ULK1: variants seen among roughly 807,000 people sequenced by gnomAD.
ULK1 encodes serine/threonine-protein kinase ULK1.
ULK1 carries 48 observed loss-of-function variants against 117.5 expected under a neutral mutation model. The ratio of observed to expected loss-of-function variants is 0.41; its 90% confidence interval spans 0.32 to 0.52. The LOEUF (loss-of-function observed/expected upper bound fraction) is 0.52, where lower values mean the gene tolerates loss of function less well. ULK1 is among the 20% of genes least tolerant of loss of function. The pLI, the probability that ULK1 is intolerant of heterozygous loss-of-function variation, is 0.29. For synonymous variants in ULK1, 790 were observed against 637.8 expected, an observed-to-expected ratio of 1.24 and a Z score of -3.60; for missense variants, 1,387 against 1,473.4, an observed-to-expected ratio of 0.94 and a Z score of 0.96.
chr12:131,915,057 C>T (rs898095978), intron 16 of ULK1, 26 bp from the exon 17 acceptor site: 2 of 1,522,100 alleles, frequency 1.3e-6, no homozygotes, highest in East Asian at 2.3e-5. Flanking sequence ...TGAGGCCTCC[C>T]CTCCTAATAT....
At chr12:131,898,541 G>A (rs563890814) in intron 3 of ULK1, among the ~76,000 whole-genome samples, 11 of 151,678 alleles carry the variant, frequency 7.3e-5, no homozygotes, top group East Asian at 5.8e-4. Context: ...TGCTCTTGTC[G>A]CCCAGGCTGG....
intron 13 of ULK1, among the ~76,000 whole-genome samples, chr12:131,912,436 C>T (rs1012198821): frequency 2.6e-5 from 4 of 152,318 alleles, no homozygotes; most frequent in East Asian, 1.9e-4. Context: ...GCCTCTACAC[C>T]CTGCAGGTGG....
chr12:131,910,332 G>T (rs569573631), intron 11 of ULK1, 28 bp downstream of exon 11: 17 of 1,613,076 alleles, frequency 1.1e-5, no homozygotes, highest in Non-Finnish European at 1.4e-5. Context: ...CTGGGGCTCC[G>T]CATGGGCCCT....
chr12:131,919,472 C>G lies in ULK1; in HGVS notation c.2685C>G (p.Gly895=). ...DQISLLSREW[G]FAEQLVLYLK... Reference sequence around the variant, plus strand: ...CCTCTGATCTGCCTGCCGCCCCCAGCTTCGCGGAACAGCTGGTGCTGTACC... The same window carrying G: ...CCTCTGATCTGCCTGCCGCCCCCAGGTTCGCGGAACAGCTGGTGCTGTACC... The change falls in exon 25 of 28, where the codon GGC becomes GGG. Residue 895 remains glycine (G), a splice_region_variant and synonymous_variant. Transcript: ENST00000321867. 4 of 1,609,792 alleles carry G rather than the reference C, an allele frequency of 2.5e-6. No individual in the cohort carries two copies. Among genetic ancestry groups the G allele is most frequent in the Non-Finnish European group, 3.4e-6 (4 of 1,178,492 alleles).
At chr12:131,901,978 T>C (rs1024526035) in intron 3 of ULK1, among the ~76,000 whole-genome samples, 2 of 152,108 alleles carry the variant, frequency 1.3e-5, no homozygotes, top group Non-Finnish European at 2.9e-5. Context: ...CCTGCCTCAC[T>C]GCATCTAGGG....
Position 131,922,320 on chromosome 12 carries a change from C to G in ULK1, c.*959C>G, listed in dbSNP as rs760757302. On this transcript the variant is annotated 3_prime_UTR_variant, in exon 28 of 28. Coordinates refer to ENST00000321867, the MANE Select transcript of ULK1 (RefSeq NM_003565.4). ...ACCTGTGTTGGTGGCTGTCCCCTGC[C>G]GCCCCTCCCTGTGGCAGCAGCAGGA... 2 of 323,686 alleles carry G rather than the reference C, an allele frequency of 6.2e-6. No individual in the cohort carries two copies. The highest frequency in any genetic ancestry group is 1.2e-5 in the Non-Finnish European group (2 of 163,352). The allele number at this position is 323,686 out of a possible 1,614,324, so 20.1% of individuals were successfully genotyped here.
rs559907845 is a variant in ULK1, at chr12:131,919,833, C to G, written c.2804-146C>G. ...TGGCACCCGGGACAAGGTGCGGAGC[C>G]TGGCCACACCCTCAAGGCCACGGGG... On this transcript the variant is annotated intron_variant, in intron 25 of 27. Transcript: ENST00000321867. 28 of 1,265,350 alleles carry G rather than the reference C, an allele frequency of 2.2e-5. No homozygotes were observed. In the East Asian group the frequency reaches 6.3e-4, roughly 28 times the overall value. The allele number at this position is 1,265,350 out of a possible 1,614,324, so 78.4% of individuals were successfully genotyped here. A position where few individuals can be genotyped will look rare whatever the true frequency, so the allele number is the denominator to read the frequency against.
At chr12:131,895,453 C>G in intron 1 of ULK1, 148 bp from the exon 2 acceptor site, 1 of 678,768 alleles carries the variant, frequency 1.5e-6, no homozygotes. Context: ...GGACCCCCAG[C>G]GCGATCCTCA....
In ULK1 at chr12:131,895,031, C is replaced by T. The variant is rs771105737; in HGVS notation, c.30C>T (p.Thr10=). The change falls in exon 1 of 28, where the codon ACC becomes ACT. Residue 10 remains threonine (T), a synonymous_variant. Coordinates refer to ENST00000321867, the MANE Select transcript of ULK1 (RefSeq NM_003565.4). MEPGRGGTE[T]VGKFEFSRKD... Reference sequence around the variant, plus strand: ...AGCCCGGCCGCGGCGGCACAGAGACCGTGGGCAAGTTCGAGTTCTCCCGCA... The same window carrying T: ...AGCCCGGCCGCGGCGGCACAGAGACTGTGGGCAAGTTCGAGTTCTCCCGCA... The T allele has an allele frequency of 5.1e-6, 8 of 1,574,908 alleles. No homozygotes were observed. Among genetic ancestry groups the T allele is most frequent in the South Asian group, 1.1e-5 (1 of 87,434 alleles).
intron 4 of ULK1, 73 bp downstream of exon 4, chr12:131,906,997 T>C (rs1425989073): frequency 1.3e-6 from 2 of 1,599,592 alleles, no homozygotes; most frequent in East Asian, 2.2e-5. Context: ...GGGAGGGACA[T>C]GGCTGGGGGG....
At chr12:131,910,689 T>C (rs1253828106) in intron 11 of ULK1, 23 bp from the exon 12 acceptor site, 1 of 1,613,062 alleles carries the variant, frequency 6.2e-7, no homozygotes, top group Non-Finnish European at 8.5e-7. Flanking sequence ...TGGCCCAGAC[T>C]GACCTATGCA....
chr12:131,906,819 G>T (rs908907054), intron 3 of ULK1, 73 bp from the exon 4 acceptor site: 1 of 1,601,722 alleles, frequency 6.2e-7, no homozygotes, highest in Non-Finnish European at 8.5e-7. Flanking sequence ...GGCCGAATTG[G>T]GGCTGAGCCA....
rs373084534 is a variant in ULK1, at chr12:131,921,251, G to T, written c.3097+16G>T. ...GTCACCAAGTGTGAGTGCCCGGCTG[G>T]GCTGGGGGCTGGGGACTCTGGGCGT... On this transcript the variant is annotated intron_variant, in intron 27 of 27. Coordinates refer to ENST00000321867, the MANE Select transcript of ULK1 (RefSeq NM_003565.4). 758 of 1,607,618 alleles carry T rather than the reference G, an allele frequency of 4.7e-4. No individual in the cohort carries two copies. Among genetic ancestry groups the T allele is most frequent in the Non-Finnish European group, 6.1e-4 (720 of 1,179,520 alleles).
intron 16 of ULK1, among the ~76,000 whole-genome samples, chr12:131,914,710 G>T (rs1421323119): frequency 6.6e-6 from 1 of 152,226 alleles, no homozygotes; most frequent in Non-Finnish European, 1.5e-5. Flanking sequence ...ATTGACTTTG[G>T]CCAGTTTTAA....
At chr12:131,906,099 C>CT (rs1293402052) in intron 3 of ULK1, among the ~76,000 whole-genome samples, 71 of 151,548 alleles carry the variant, frequency 4.7e-4, no homozygotes, top group Middle Eastern at 3.5e-3. Context: ...CTGTTGGCGT[C>CT]TTCTTTTTTT....
Position 131,917,053 on chromosome 12 carries a change from A to T in ULK1, c.2173A>T (p.Met725Leu). 1 of 1,270,046 alleles carries T rather than the reference A, an allele frequency of 7.9e-7. No homozygotes were observed. 78.7% of individuals were successfully genotyped at this position (1,270,046 alleles called of 1,614,324 possible). A position where few individuals can be genotyped will look rare whatever the true frequency, so the allele number is the denominator to read the frequency against. ...CACGGAGAGCCTGCAGGAGAAGCCC[A>T]TGGAGATCGGTGTGTGGGTGGGTGG... ...GSTESLQEKP[M>L]EIAPSAGFGG... Residue 725 changes from methionine to leucine, a missense_variant, in exon 21 of 28, where the codon ATG (methionine) becomes TTG (leucine). Met to Leu is a conservative substitution (Grantham distance 15, BLOSUM62 2). This residue lies in a region of ULK1 where 900 missense variants were observed against 858.9 expected (regional missense o/e 1.05). Coordinates refer to ENST00000321867, the MANE Select transcript of ULK1 (RefSeq NM_003565.4).
rs532784108 is a variant in ULK1 at position 131,909,808 on chromosome 12, G to C, written c.700G>C (p.Glu234Gln). 1.9e-6 allele frequency: 3 copies of C among 1,611,148 alleles called. No homozygotes were observed. The highest frequency in any genetic ancestry group is 1.3e-5 in the African/African-American group (1 of 74,828). The change falls in exon 9 of 28, where the codon GAG (glutamate) becomes CAG (glutamine). Residue 234 changes from glutamate (E) to glutamine (Q), a missense_variant. Coordinates refer to ENST00000321867, the MANE Select transcript of ULK1 (RefSeq NM_003565.4). ...CCCCCAGGACCTGCGCCTGTTCTACGAGAAGAACAAGACGTTGGTCCCCAC... is the reference window on the plus strand; with the variant it reads ...CCCCCAGGACCTGCGCCTGTTCTACCAGAAGAACAAGACGTTGGTCCCCAC... ...SSPQDLRLFY[E>Q]KNKTLVPTIP...
At chr12:131,916,367 G>A in intron 19 of ULK1, 31 bp from the exon 20 acceptor site, 1 of 1,536,284 alleles carries the variant, frequency 6.5e-7, no homozygotes, top group Admixed American at 2.1e-5. Context: ...AGACCTGCGG[G>A]GCAGTCTTCA....
chr12:131,918,881 T>TGTGTGGGGTGTGGGGTGTGTGGG (rs1392794952), intron 23 of ULK1, among the ~76,000 whole-genome samples, 200 bp downstream of exon 23: 1 of 10,340 alleles, frequency 9.7e-5, no homozygotes, highest in Non-Finnish European at 2.0e-4. Flanking sequence ...GGGTGTCGGG[T>TGTGTGGGGTGTGGGGTGTGTGGG]GTGTGGGGTG....
Sources: allele counts gnomAD v4.1 joint callset (sites outside exome capture counted in the v4.1 genomes callset), GRCh38; gene constraint gnomAD v4.1.1; regional missense constraint gnomAD v4.1.1; transcripts MANE v1.5; gene names NCBI Gene and HGNC (gene_info 2026-07-23, HGNC 2026-07-21).